PTPRD: variants seen among roughly 807,000 people sequenced by gnomAD.
The protein encoded by PTPRD is protein tyrosine phosphatase receptor type D.
PTPRD carries 34 observed loss-of-function variants against 214.5 expected under a neutral mutation model. The ratio of observed to expected loss-of-function variants is 0.16; its 90% CI spans 0.12 to 0.21. The LOEUF is 0.21. PTPRD is among the 10% of genes least tolerant of loss of function. The pLI, the probability that PTPRD is intolerant of heterozygous loss-of-function variation, is 1.00. For missense variants in PTPRD, 2,545 were observed against 2,398.7 expected, an observed-to-expected ratio of 1.06 and a Z score of -1.27; for synonymous variants, 1,128 against 845.7, an observed-to-expected ratio of 1.33 and a Z score of -5.79.
intron 5 of PTPRD, among the ~76,000 whole-genome samples, chr9:9,906,637 T>C (rs779603743): frequency 2.0e-5 from 3 of 151,956 alleles, no homozygotes; most frequent in Non-Finnish European, 4.4e-5. Context: ...ATTTATGATG[T>C]TTTAACTCAC....
At chr9:10,275,792 G>C (rs1347626699) in intron 3 of PTPRD, among the ~76,000 whole-genome samples, 4 of 152,124 alleles carry the variant, frequency 2.6e-5, no homozygotes, top group Non-Finnish European at 5.9e-5. Flanking sequence ...GGAAATGGTG[G>C]AGCCAAAAGT....
At chr9:9,910,877 A>G (rs2078990903) in intron 5 of PTPRD, among the ~76,000 whole-genome samples, 1 of 152,050 alleles carries the variant, frequency 6.6e-6, no homozygotes, top group African/African-American at 2.4e-5. Flanking sequence ...AGTGATTTCA[A>G]TCTTTGTCAA....
chr9:8,550,686 A>G (rs1564267770), intron 14 of PTPRD, among the ~76,000 whole-genome samples: 1 of 152,240 alleles, frequency 6.6e-6, no homozygotes, highest in Non-Finnish European at 1.5e-5. Context: ...AAACCTAGAA[A>G]TATGGTATAA....
chr9:8,933,701 G>T (rs2098970043), intron 11 of PTPRD, among the ~76,000 whole-genome samples: 1 of 152,004 alleles, frequency 6.6e-6, no homozygotes, highest in African/African-American at 2.4e-5. Context: ...CTACCTCTTA[G>T]TCTTTCAGCC....
intron 8 of PTPRD, among the ~76,000 whole-genome samples, chr9:9,499,165 G>A (rs528217108): frequency 1.1e-4 from 17 of 152,038 alleles, no homozygotes; most frequent in Non-Finnish European, 1.9e-4. Context: ...AGATAATCAC[G>A]ACATTCAGAT....
chr9:10,185,596 C>T (rs294852), intron 3 of PTPRD, among the ~76,000 whole-genome samples: 94,175 of 151,990 alleles, frequency 0.62, 31,381 homozygotes, highest in Middle Eastern at 0.77. Context: ...TAATGTTATA[C>T]GGCTAATATG....
intron 10 of PTPRD, among the ~76,000 whole-genome samples, chr9:9,045,011 A>G (rs324533): frequency 0.36 from 54,493 of 152,020 alleles, 11,169 homozygotes; most frequent in Middle Eastern, 0.46. Context: ...GAATCAAATT[A>G]AGGTTCTTGA....
chr9:8,835,702 T>C (rs559468569), intron 11 of PTPRD, among the ~76,000 whole-genome samples: 37 of 152,166 alleles, frequency 2.4e-4, no homozygotes, highest in Middle Eastern at 3.4e-3. Flanking sequence ...CTAATTTATT[T>C]TTACTTTTAT....
rs937622451 is a variant in PTPRD at position 9,568,929 on chromosome 9, G to T, written c.-237+5803C>A. Reference sequence around the variant, plus strand: ...ACTAGCCCAATGCTTAGTACATACAGATGCTTAGTGGGTTTTGTTGAATAA... The same window carrying T: ...ACTAGCCCAATGCTTAGTACATACATATGCTTAGTGGGTTTTGTTGAATAA... On this transcript the variant is annotated intron_variant, in intron 8 of 45. Coordinates refer to ENST00000381196, the MANE Select transcript of PTPRD (RefSeq NM_002839.4). Among the ~76,000 whole-genome samples the T allele has an allele frequency of 2.0e-5, 3 of 151,794 alleles. No individual in the cohort carries two copies. In the Admixed American group the frequency reaches 2.0e-4, roughly 10 times the overall value.
At chr9:9,094,908 T>C (rs1251564889) in intron 10 of PTPRD, among the ~76,000 whole-genome samples, 2 of 152,170 alleles carry the variant, frequency 1.3e-5, no homozygotes, top group South Asian at 2.1e-4. Context: ...TTCATGATCA[T>C]AGATGCACAA....
chr9:9,834,823 A>G (rs1189267490), intron 5 of PTPRD, among the ~76,000 whole-genome samples: 1 of 152,066 alleles, frequency 6.6e-6, no homozygotes, highest in Non-Finnish European at 1.5e-5. Flanking sequence ...AGATTAGCAT[A>G]TATTTAATTG....
chr9:8,331,836 C>CAAAA, intron 43 of PTPRD, 100 bp from the exon 44 acceptor site: 1 of 1,400,288 alleles, frequency 7.1e-7, no homozygotes, highest in East Asian at 2.5e-5. Flanking sequence ...TTCCCGAAAA[C>CAAAA]AAAAAGGGTA....
Position 9,238,038 on chromosome 9 carries a change from G to C in PTPRD, c.-202-54675C>G, listed in dbSNP as rs145583624. On this transcript the variant is annotated intron_variant, in intron 9 of 45. Coordinates refer to ENST00000381196, the MANE Select transcript of PTPRD (RefSeq NM_002839.4). Reference sequence around the variant, plus strand: ...GTCCCTTTCTCCTCCATTTGGTGAAGAGTAGATACAAGATTACTAATAGGA... The same window carrying C: ...GTCCCTTTCTCCTCCATTTGGTGAACAGTAGATACAAGATTACTAATAGGA... 2.0e-3 allele frequency among the ~76,000 whole-genome samples: 305 copies of C among 152,158 alleles called. 2 individuals are homozygous for C. The highest frequency in any genetic ancestry group is 6.8e-3 in the African/African-American group (281 of 41,534).
At chr9:9,757,134 C>T (rs1366242402) in intron 6 of PTPRD, among the ~76,000 whole-genome samples, 2 of 152,100 alleles carry the variant, frequency 1.3e-5, no homozygotes, top group Non-Finnish European at 2.9e-5. Context: ...GGGCAGTTTA[C>T]CGAGATTCCC....
intron 5 of PTPRD, among the ~76,000 whole-genome samples, chr9:9,821,521 G>T (rs1210685495): frequency 6.6e-6 from 1 of 152,148 alleles, no homozygotes; most frequent in Non-Finnish European, 1.5e-5. Context: ...TTTGTATAGA[G>T]AATCAGAGAG....
intron 7 of PTPRD, among the ~76,000 whole-genome samples, chr9:9,673,738 G>A (rs541929736): frequency 4.4e-4 from 66 of 150,368 alleles, no homozygotes; most frequent in South Asian, 2.7e-3. Context: ...AAGCATACCT[G>A]GATACACTGT....
At chr9:8,805,253 A>G (rs4255195) in intron 11 of PTPRD, among the ~76,000 whole-genome samples, 99,252 of 152,096 alleles carry the variant, frequency 0.65, 32,987 homozygotes, top group Middle Eastern at 0.77. Context: ...CTAAAGTTCC[A>G]AAAATTTGAG....
intron 8 of PTPRD, among the ~76,000 whole-genome samples, chr9:9,426,203 C>G (rs1222429481): frequency 1.3e-5 from 2 of 152,150 alleles, no homozygotes; most frequent in Non-Finnish European, 2.9e-5. Context: ...TGGGTCACTC[C>G]CACCCTAATA....
At chr9:10,354,866 A>C (rs954549435) in intron 2 of PTPRD, among the ~76,000 whole-genome samples, 18 of 152,178 alleles carry the variant, frequency 1.2e-4, no homozygotes, top group African/African-American at 4.3e-4. Flanking sequence ...TGTGTCTAGT[A>C]CATATCATAA....
Sources: allele counts gnomAD v4.1 joint callset (sites outside exome capture counted in the v4.1 genomes callset), GRCh38; gene constraint gnomAD v4.1.1; transcripts MANE v1.5; gene names NCBI Gene and HGNC (gene_info 2026-07-23, HGNC 2026-07-21).